The following CSMD1 variants were observed in gnomAD, a reference collection of about 807,000 sequenced individuals.
CSMD1 encodes CUB and sushi domain-containing protein 1.
In CSMD1, 213 loss-of-function variants were observed where a neutral mutation model predicts 417.5. That is an observed-to-expected ratio of 0.51 (90% CI 0.46 to 0.57). CSMD1 has a LOEUF of 0.57. Ranked by LOEUF, CSMD1 falls within the 20% of genes least tolerant of loss-of-function variation. CSMD1 has a pLI of 0.00. For missense variants in CSMD1, 6,923 were observed against 4,529.7 expected (o/e 1.53, Z -15.17); for synonymous variants, 2,862 against 1,736.8 (o/e 1.65, Z -16.11).
chr8:4,628,019 G>A (rs1323583054), intron 2 of CSMD1, among the ~76,000 whole-genome samples: 1 of 151,686 alleles, frequency 6.6e-6, no homozygotes, highest in Non-Finnish European at 1.5e-5. Context: ...TCTAGATACT[G>A]CCACTGTTCC....
chr8:3,839,329 T>A (rs1402927186), intron 5 of CSMD1, among the ~76,000 whole-genome samples: 2 of 123,338 alleles, frequency 1.6e-5, no homozygotes, highest in Non-Finnish European at 3.2e-5. Context: ...ATATTAATTA[T>A]ATATACTATT....
At chr8:3,569,492 C>T (rs756966048) in intron 10 of CSMD1, among the ~76,000 whole-genome samples, 7 of 152,228 alleles carry the variant, frequency 4.6e-5, no homozygotes, top group South Asian at 2.1e-4. Flanking sequence ...GAATTGGCGT[C>T]GGAAACTGCT....
intron 18 of CSMD1, among the ~76,000 whole-genome samples, chr8:3,378,655 T>C (rs1323195051): frequency 2.0e-5 from 3 of 152,144 alleles, no homozygotes; most frequent in Non-Finnish European, 4.4e-5. Context: ...AACCACATGA[T>C]TATCTCAAGA....
chr8:4,915,738 C>G (rs1585320579), intron 1 of CSMD1, among the ~76,000 whole-genome samples: 1 of 152,256 alleles, frequency 6.6e-6, no homozygotes, highest in Admixed American at 6.5e-5. Context: ...TGGAGACAGA[C>G]ATCCATTTGG....
intron 11 of CSMD1, among the ~76,000 whole-genome samples, chr8:3,487,953 G>A (rs1391667133): frequency 9.9e-5 from 15 of 151,664 alleles, no homozygotes; most frequent in Non-Finnish European, 1.5e-5. Flanking sequence ...TTAGAGATGT[G>A]TATTTTATGA....
chr8:4,245,345 G>A (rs186204774), intron 3 of CSMD1, among the ~76,000 whole-genome samples: 23 of 152,284 alleles, frequency 1.5e-4, no homozygotes, highest in African/African-American at 5.5e-4. Flanking sequence ...AGAGGGTTGG[G>A]GTGGGAGGAA....
rs1300443019 is a variant in CSMD1 at position 4,516,597 on chromosome 8, G to A, written c.303-96532C>T. Among the ~76,000 whole-genome samples the A allele has an allele frequency of 6.6e-5, 10 of 152,200 alleles. No individual in the cohort carries two copies. In the East Asian group the frequency reaches 1.9e-3, roughly 30 times the overall value. ...TCTGGAAGAGCTTGTGTTGTATGGG[G>A]TCTCCCTTCTCATGCAAGCATCGCC... On this transcript the variant is annotated intron_variant, in intron 2 of 69. Transcript: ENST00000635120.
intron 15 of CSMD1, among the ~76,000 whole-genome samples, chr8:3,403,538 G>A (rs1340612531): frequency 6.6e-6 from 1 of 152,168 alleles, no homozygotes; most frequent in Non-Finnish European, 1.5e-5. Flanking sequence ...GCTGGGTTTT[G>A]CCTTTAACCT....
intron 10 of CSMD1, among the ~76,000 whole-genome samples, chr8:3,555,519 T>C (rs1799106536): frequency 6.6e-6 from 1 of 152,206 alleles, no homozygotes; most frequent in Admixed American, 6.5e-5. Flanking sequence ...GAGCCCCATT[T>C]GCAAAAATTC....
intron 2 of CSMD1, among the ~76,000 whole-genome samples, chr8:4,466,220 G>A (rs182696892): frequency 2.0e-5 from 3 of 152,022 alleles, no homozygotes; most frequent in Non-Finnish European, 4.4e-5. Context: ...AGTGAGACAG[G>A]GATCTCTCCT....
At chr8:4,747,576 C>T (rs566145450) in intron 1 of CSMD1, among the ~76,000 whole-genome samples, 7 of 152,262 alleles carry the variant, frequency 4.6e-5, no homozygotes, top group Non-Finnish European at 7.4e-5. Flanking sequence ...TATATTGTCA[C>T]CTGCTAAATA....
chr8:3,374,088 G>T (rs369669003), intron 18 of CSMD1, among the ~76,000 whole-genome samples: 1 of 151,874 alleles, frequency 6.6e-6, no homozygotes, highest in African/African-American at 2.4e-5. Flanking sequence ...CAATAGCTGG[G>T]ATTACACACA....
chr8:4,359,536 T>A (rs931389032), intron 3 of CSMD1, among the ~76,000 whole-genome samples: 1 of 152,204 alleles, frequency 6.6e-6, no homozygotes, highest in Non-Finnish European at 1.5e-5. Context: ...GATGTCTCCT[T>A]CCAATCCTCT....
intron 2 of CSMD1, among the ~76,000 whole-genome samples, chr8:4,442,069 C>G (rs1322910833): frequency 6.6e-6 from 1 of 152,112 alleles, no homozygotes; most frequent in Non-Finnish European, 1.5e-5. Flanking sequence ...TTCAAAACTG[C>G]TCAGAGTTTG....
chr8:4,103,573 T>A (rs1801414405), intron 3 of CSMD1, among the ~76,000 whole-genome samples: 1 of 152,030 alleles, frequency 6.6e-6, no homozygotes, highest in Non-Finnish European at 1.5e-5. Context: ...ATACGATGGA[T>A]ACAAAAAATG....
intron 16 of CSMD1, among the ~76,000 whole-genome samples, chr8:3,397,918 T>A (rs553261353): frequency 1.3e-5 from 2 of 152,220 alleles, no homozygotes; most frequent in South Asian, 4.1e-4. Flanking sequence ...TCGGTCATGG[T>A]GGAAATGAAC....
At position 4,032,006 on chromosome 8, in the gene CSMD1, C is replaced by A. The variant is rs761839078; in HGVS notation, c.509G>T (p.Ser170Ile). 3.1e-6 allele frequency: 5 copies of A among 1,613,792 alleles called. No individual in the cohort carries two copies. The highest frequency in any genetic ancestry group is 2.7e-5 in the African/African-American group (2 of 74,894). Reference protein sequence around the residue: ...RFNIGDKIRYSCLPGYILEGH... With the variant: ...RFNIGDKIRYICLPGYILEGH... ...TTCCAAGATGTAGCCAGGGAGGCAG[C>A]TGTACCGGATTTTGTCTCCTATGTT... Residue 170 changes from serine (S) to isoleucine (I), a missense_variant, in exon 4 of 70, where the codon AGC becomes ATC. Transcript: ENST00000635120.
intron 20 of CSMD1, among the ~76,000 whole-genome samples, chr8:3,365,408 T>C (rs771794311): frequency 2.0e-5 from 3 of 152,210 alleles, no homozygotes; most frequent in Non-Finnish European, 4.4e-5. Flanking sequence ...CTATTTGATT[T>C]TACATAATGT....
chr8:4,850,376 A>ATTTTTTT (rs1801394004), intron 1 of CSMD1, among the ~76,000 whole-genome samples: 1 of 108,158 alleles, frequency 9.2e-6, no homozygotes, highest in African/African-American at 4.2e-5. Context: ...ATGAAATCCA[A>ATTTTTTT]TTTATCTTTT....
Sources: gnomAD v4.1 joint callset for allele counts (sites outside exome capture counted in the v4.1 genomes callset) on GRCh38, gnomAD v4.1.1 for gene constraint, MANE v1.5 for transcripts, NCBI Gene and HGNC (gene_info 2026-07-23, HGNC 2026-07-21) for gene names.